Variants in TTC28 observed in about 807,000 individuals in gnomAD.
TTC28 encodes the protein tetratricopeptide repeat domain 28.
A neutral mutation model predicts 198.0 loss-of-function variants in TTC28; 61 were observed. The ratio of observed to expected loss-of-function variants is 0.31; its 90% CI spans 0.25 to 0.38. TTC28 has a LOEUF of 0.38. Ranked by LOEUF, TTC28 falls within the 10% of genes least tolerant of loss-of-function variation. The pLI, the probability that TTC28 is intolerant of heterozygous loss-of-function variation, is 1.00. For synonymous variants in TTC28, 1,171 were observed against 1,297.8 expected (o/e 0.90, Z 2.10); for missense variants, 2,678 against 3,164.0 (o/e 0.85, Z 3.69).
chr22:28,612,062 G>A (rs886657056), intron 2 of TTC28, among the ~76,000 whole-genome samples: 1 of 152,112 alleles, frequency 6.6e-6, no homozygotes, highest in African/African-American at 2.4e-5. Flanking sequence ...ACCCATTGGT[G>A]TGCTGTATTC....
At chr22:28,371,509 C>CCAAAAAAAAAAA (rs2046332447) in intron 2 of TTC28, among the ~76,000 whole-genome samples, 1 of 6,102 alleles carries the variant, frequency 1.6e-4, no homozygotes, top group East Asian at 6.5e-3. Context: ...GACCCTGTCT[C>CCAAAAAAAAAAA]AAAAAAAAAA....
chr22:28,477,906 C>T (rs1010123275), intron 2 of TTC28, among the ~76,000 whole-genome samples: 2 of 152,156 alleles, frequency 1.3e-5, no homozygotes, highest in Non-Finnish European at 2.9e-5. Context: ...CCAATTGAAG[C>T]CCAAGATGCA....
rs960331630 is a variant in TTC28, at chr22:27,982,855, G to A, written c.6812C>T (p.Ser2271Leu). ...DSPSQHSGRP[S>L]PGCDSQTSQL... Reference sequence around the variant, plus strand: ...GGAAGTCTGTGAGTCGCAGCCGGGCGATGGCCGGCCACTGTGCTGGCTCGG... The same window carrying A: ...GGAAGTCTGTGAGTCGCAGCCGGGCAATGGCCGGCCACTGTGCTGGCTCGG... Residue 2271 changes from serine (S) to leucine (L), a missense_variant, in exon 23 of 23, where the codon TCG (serine) becomes TTG (leucine). Coordinates refer to ENST00000397906, the MANE Select transcript of TTC28 (RefSeq NM_001145418.2). The surrounding 1 kb of genome is among the most constrained non-coding windows in gnomAD (Gnocchi z 5.2). The A allele has an allele frequency of 4.5e-5, 70 of 1,545,210 alleles. No individual in the cohort carries two copies. The Middle Eastern group carries it at 5.0e-4, about 11-fold the overall frequency.
intron 12 of TTC28, among the ~76,000 whole-genome samples, chr22:28,063,370 G>A (rs922155162): frequency 2.0e-5 from 3 of 152,106 alleles, no homozygotes; most frequent in African/African-American, 7.2e-5. Flanking sequence ...CGCCAAATGT[G>A]GCCATTGGCC....
chr22:28,163,787 A>G (rs1156899195), intron 5 of TTC28, among the ~76,000 whole-genome samples, 188 bp from the exon 6 acceptor site: 2 of 152,156 alleles, frequency 1.3e-5, no homozygotes, highest in Non-Finnish European at 2.9e-5. Flanking sequence ...GGTTCATCTC[A>G]CTGGGGAGTG....
intron 5 of TTC28, among the ~76,000 whole-genome samples, chr22:28,201,226 T>A (rs1417243696): frequency 6.6e-6 from 1 of 152,136 alleles, no homozygotes; most frequent in Non-Finnish European, 1.5e-5. Flanking sequence ...CAAACCAACA[T>A]GTATTGAGCA....
intron 2 of TTC28, among the ~76,000 whole-genome samples, chr22:28,507,434 T>C (rs1457192734): frequency 2.0e-5 from 3 of 152,200 alleles, no homozygotes; most frequent in Non-Finnish European, 4.4e-5. Context: ...TATGACTGAC[T>C]GGGGTTCCTG....
chr22:28,475,931 C>G (rs1032378194), intron 2 of TTC28, among the ~76,000 whole-genome samples: 15 of 152,094 alleles, frequency 9.9e-5, no homozygotes, highest in African/African-American at 1.4e-4. Flanking sequence ...ACAATAATTG[C>G]AAAAATTTCT....
intron 2 of TTC28, among the ~76,000 whole-genome samples, chr22:28,555,403 A>T (rs2049771043): frequency 6.6e-6 from 1 of 152,242 alleles, no homozygotes; most frequent in Non-Finnish European, 1.5e-5. Context: ...CTATGTTTAT[A>T]GCAGCACAAT....
intron 2 of TTC28, among the ~76,000 whole-genome samples, chr22:28,550,169 A>G (rs1363873975): frequency 6.6e-6 from 1 of 152,184 alleles, no homozygotes; most frequent in Non-Finnish European, 1.5e-5. Context: ...AAAGAGGTAA[A>G]TGGTATTATT....
intron 1 of TTC28, among the ~76,000 whole-genome samples, chr22:28,634,290 T>A (rs1482374530): frequency 2.0e-5 from 3 of 152,014 alleles, no homozygotes; most frequent in South Asian, 2.1e-4. Flanking sequence ...GGCAGGCAGA[T>A]CACGAGGTCA....
At chr22:28,574,582 C>T (rs2050116522) in intron 2 of TTC28, among the ~76,000 whole-genome samples, 1 of 152,086 alleles carries the variant, frequency 6.6e-6, no homozygotes, top group South Asian at 2.1e-4. Flanking sequence ...CTATTTTTAG[C>T]TTTTTGAGGA....
chr22:28,536,134 G>A (rs1433747340), intron 2 of TTC28, among the ~76,000 whole-genome samples: 14 of 143,622 alleles, frequency 9.7e-5, no homozygotes, highest in Admixed American at 3.7e-4. Context: ...GGGAGGCGGA[G>A]CTTGCAGTGA....
chr22:28,230,673 T>C (rs1928732954), intron 5 of TTC28, among the ~76,000 whole-genome samples: 2 of 152,156 alleles, frequency 1.3e-5, no homozygotes, highest in Admixed American at 1.3e-4. Flanking sequence ...AAATAGGATA[T>C]TTTCCCTTAG....
intron 2 of TTC28, among the ~76,000 whole-genome samples, chr22:28,340,961 T>C (rs756890228): frequency 6.6e-6 from 1 of 152,236 alleles, no homozygotes; most frequent in Non-Finnish European, 1.5e-5. Context: ...GCATTAAAGA[T>C]ACCCTGAAAT....
chr22:28,619,558 A>G lies in TTC28; in HGVS notation c.381+9994T>C, dbSNP rs192539788. On this transcript the variant is annotated intron_variant, in intron 2 of 22. Coordinates refer to ENST00000397906, the MANE Select transcript of TTC28 (RefSeq NM_001145418.2). ...CATAAATGAGGAGGAAGAAAAAAGGAAAAGGAGAGCATGTTTGTCAGCAGA... is the reference window on the plus strand; with the variant it reads ...CATAAATGAGGAGGAAGAAAAAAGGGAAAGGAGAGCATGTTTGTCAGCAGA... Among the ~76,000 whole-genome samples the G allele has an allele frequency of 3.0e-3, 450 of 152,362 alleles. 2 individuals carry two copies. The highest frequency in any genetic ancestry group is 8.6e-3 in the Admixed American group (132 of 15,296).
Position 28,372,547 on chromosome 22 carries a change from T to TTC in TTC28, c.382-65905_382-65904insGA, listed in dbSNP as rs2046353709. Among the ~76,000 whole-genome samples, 4 of 121,116 alleles carry TTC rather than the reference T, an allele frequency of 3.3e-5. No homozygotes were observed. In the South Asian group the frequency reaches 1.1e-3, roughly 33 times the overall value. 79.5% of individuals were successfully genotyped at this position (121,116 alleles called of 152,430 possible). On this transcript the variant is annotated intron_variant, in intron 2 of 22. Transcript: ENST00000397906. ...TAGTTTATCCTTTTTTTTTTTTTTT[T>TTC]AATTAGAAGGAAAGAGGTAGAAGAC...
At chr22:28,081,516 G>A (rs530274624) in intron 12 of TTC28, among the ~76,000 whole-genome samples, 22 of 136,998 alleles carry the variant, frequency 1.6e-4, no homozygotes, top group African/African-American at 6.0e-4. Flanking sequence ...TTTTTTAGGT[G>A]GAGTCTCACT....
chr22:28,421,308 G>A (rs779406244), intron 2 of TTC28, among the ~76,000 whole-genome samples: 7 of 152,058 alleles, frequency 4.6e-5, no homozygotes, highest in Non-Finnish European at 7.4e-5. Context: ...AAACCACAAC[G>A]CTGGAAAACT....
Sources: gnomAD v4.1 joint callset for allele counts (sites outside exome capture counted in the v4.1 genomes callset) on GRCh38, gnomAD v4.1.1 for gene constraint, Gnocchi (gnomAD v3.1) non-coding constraint, MANE v1.5 for transcripts, NCBI Gene and HGNC (gene_info 2026-07-23, HGNC 2026-07-21) for gene names.